RTEL1: variants seen among roughly 807,000 people sequenced by gnomAD.
RTEL1 encodes the protein regulator of telomere length.
Under a neutral mutation model 162.2 loss-of-function variants are expected in RTEL1, and 86 were observed. The observed-to-expected ratio is 0.53, with a 90% CI of 0.45 to 0.63. The LOEUF is 0.63. Among genes scored for constraint, RTEL1 ranks in the 30% least tolerant of loss-of-function variants. The pLI, the probability that RTEL1 is intolerant of heterozygous loss-of-function variation, is 0.00. For synonymous variants in RTEL1, 958 were observed against 717.9 expected (o/e 1.33, Z -5.35); for missense variants, 1,941 against 1,750.2 (o/e 1.11, Z -1.95).
chr20:63,684,589 G>A (rs1437583119), intron 14 of RTEL1, among the ~76,000 whole-genome samples: 2 of 152,106 alleles, frequency 1.3e-5, no homozygotes, highest in Admixed American at 6.6e-5. Context: ...TCCTGACCTC[G>A]TGATCCGCCT....
chr20:63,694,138 A>T (rs1348167429), intron 30 of RTEL1, among the ~76,000 whole-genome samples: 2 of 151,978 alleles, frequency 1.3e-5, no homozygotes, highest in African/African-American at 2.4e-5. Context: ...CACCCAGCCT[A>T]CGGCTCTGAG....
chr20:63,694,411 C>G lies in RTEL1; in HGVS notation c.3032C>G (p.Ala1011Gly), dbSNP rs766826026. ...GATCCCAAGCTGACCGTGTCCACGG[C>G]TGCAGCCCAGCAGCTGGACCCCCAA... is the stretch of plus-strand genomic sequence containing the variant. ...APDPKLTVST[A>G]AAQQLDPQEH... Residue 1011 changes from alanine to glycine, a missense_variant, in exon 31 of 35, where the codon GCT (alanine) becomes GGT (glycine). By Grantham distance (60) the Ala-to-Gly change is moderately conservative (BLOSUM62 0). Coordinates refer to ENST00000360203, the MANE Select transcript of RTEL1 (RefSeq NM_001283009.2). The G allele has an allele frequency of 6.2e-7, 1 of 1,612,466 alleles. No homozygotes were observed. The highest frequency in any genetic ancestry group is 8.5e-7 in the Non-Finnish European group (1 of 1,179,700).
intron 31 of RTEL1, 119 bp from the exon 32 acceptor site, chr20:63,694,622 G>C (rs147179836): frequency 4.1e-6 from 5 of 1,211,098 alleles, no homozygotes; most frequent in African/African-American, 3.0e-5. Context: ...TCCCGGTTCT[G>C]CACCCCGCAG....
intron 10 of RTEL1, among the ~76,000 whole-genome samples, chr20:63,677,094 G>A (rs755440395): frequency 1.9e-5 from 2 of 107,606 alleles, no homozygotes; most frequent in African/African-American, 3.9e-5. Context: ...CGGCGGTTGT[G>A]GCCTCTTTGC....
intron 16 of RTEL1, chr20:63,686,944 C>G (rs941619895): frequency 2.5e-5 from 4 of 156,908 alleles, no homozygotes; most frequent in African/African-American, 7.2e-5. Flanking sequence ...AGGAAATGAG[C>G]TCCTGGAGGA....
intron 30 of RTEL1, 45 bp from the exon 31 acceptor site, chr20:63,694,326 TC>T (rs1273598898): frequency 7.0e-7 from 1 of 1,435,896 alleles, no homozygotes; most frequent in African/African-American, 1.4e-5. Flanking sequence ...CAGGGAACTT[TC>T]CAGATGCTCT....
rs2145428063 is a variant in RTEL1 at position 63,689,630 on chromosome 20, G to A, written c.2007G>A (p.Gln669=). Residue 669 remains glutamine (Q), a synonymous_variant, in exon 23 of 35, where the codon CAG becomes CAA. Coordinates refer to ENST00000360203, the MANE Select transcript of RTEL1 (RefSeq NM_001283009.2). ...AGTTCCTGGATGAGATGAAGGGCCA[G>A]GGTGGGGCTGGGGGCCAGGTGAGTT... ...KMQFLDEMKG[Q]GGAGGQFLSG... is the part of the protein sequence containing the mutation. 6.2e-7 allele frequency: 1 copy of A among 1,609,180 alleles called. No homozygotes were observed. The highest frequency in any genetic ancestry group is 1.1e-5 in the South Asian group (1 of 90,892).
At position 63,692,828 on chromosome 20, in the gene RTEL1, G is replaced by C; in HGVS notation, c.2676G>C (p.Gln892His). 2 of 1,612,316 alleles carry C rather than the reference G, an allele frequency of 1.2e-6. No individual in the cohort carries two copies. The highest frequency in any genetic ancestry group is 1.7e-6 in the Non-Finnish European group (2 of 1,179,662). The change falls in exon 29 of 35, where the codon CAG (glutamine) becomes CAC (histidine). Residue 892 changes from glutamine to histidine, a missense_variant. Physicochemically the swap from Gln to His is conservative, Grantham distance 24 (BLOSUM62 0). Transcript: ENST00000360203. Reference sequence around the variant, plus strand: ...AGGAGGAGCCCGTGGCTGGTGCACAGACGGACAGGGCCAAGCTCTTCATGG... The same window carrying C: ...AGGAGGAGCCCGTGGCTGGTGCACACACGGACAGGGCCAAGCTCTTCATGG... ...SHPEEPVAGA[Q>H]TDRAKLFMVA... is the part of the protein sequence containing the mutation.
In RTEL1 at chr20:63,693,287, A is replaced by G; in HGVS notation, c.2992+4A>G. On this transcript the variant is annotated splice_donor_region_variant and intron_variant, in intron 30 of 34. Transcript: ENST00000360203. Reference sequence around the variant, plus strand: ...CAGCCGGTCCTGGACCCCACTGGTAAATGGGGCCCCAGGTGGGACCCTCAG... The same window carrying G: ...CAGCCGGTCCTGGACCCCACTGGTAGATGGGGCCCCAGGTGGGACCCTCAG... 1 of 1,611,454 alleles carries G rather than the reference A, an allele frequency of 6.2e-7. No homozygotes were observed. The highest frequency in any genetic ancestry group is 8.5e-7 in the Non-Finnish European group (1 of 1,179,286).
chr20:63,694,259 G>T (rs75406933), intron 30 of RTEL1, 113 bp from the exon 31 acceptor site: 2 of 911,954 alleles, frequency 2.2e-6, no homozygotes, highest in Non-Finnish European at 3.6e-6. Context: ...GGGTTTTCCC[G>T]CCCTGGTCTG....
chr20:63,681,885 C>T (rs561357820), intron 14 of RTEL1: 2 of 985,356 alleles, frequency 2.0e-6, no homozygotes, highest in Admixed American at 1.2e-4. Context: ...AGGCCCAGAC[C>T]CCTCTGTCTG....
chr20:63,658,492 G>A (rs2089953458), intron 1 of RTEL1, 26 bp downstream of exon 1: 1 of 152,412 alleles, frequency 6.6e-6, no homozygotes, highest in Admixed American at 6.5e-5. Context: ...CCTACAAGTG[G>A]TTCTTTTACC....
chr20:63,692,669 CCAGT>C, intron 28 of RTEL1, 132 bp from the exon 29 acceptor site: 1 of 830,140 alleles, frequency 1.2e-6, no homozygotes. Context: ...ATCCAGCCAG[CCAGT>C]TTCTCAGGCA....
chr20:63,695,775 C>T lies in RTEL1; in HGVS notation c.3823-3C>T, dbSNP rs1242643276. 1.4e-5 allele frequency: 22 copies of T among 1,590,166 alleles called. No individual in the cohort carries two copies. Among genetic ancestry groups the T allele is most frequent in the Non-Finnish European group, 1.8e-5 (21 of 1,169,078 alleles). On this transcript the variant is annotated splice_polypyrimidine_tract_variant and splice_region_variant and intron_variant, in intron 34 of 34. Transcript: ENST00000360203. ...CGTGTGCAGTGGGCCGGTTGTCTCACAGGCCTCTAGGATGTGCCCAGCCTG... is the reference window on the plus strand; with the variant it reads ...CGTGTGCAGTGGGCCGGTTGTCTCATAGGCCTCTAGGATGTGCCCAGCCTG...
intron 14 of RTEL1, among the ~76,000 whole-genome samples, chr20:63,684,303 T>G (rs1400104398): frequency 6.6e-6 from 1 of 152,202 alleles, no homozygotes; most frequent in African/African-American, 2.4e-5. Flanking sequence ...TTCCTCATGT[T>G]TTTGTTCACT....
chr20:63,659,614 C>A, intron 2 of RTEL1, 110 bp downstream of exon 2: 1 of 794,804 alleles, frequency 1.3e-6, no homozygotes, highest in Non-Finnish European at 2.2e-6. Context: ...GGGCCAGAGG[C>A]AGCGTCTGTC....
chr20:63,659,041 A>G (rs773534837), intron 1 of RTEL1, among the ~76,000 whole-genome samples, 192 bp from the exon 2 acceptor site: 65 of 152,174 alleles, frequency 4.3e-4, no homozygotes, highest in Non-Finnish European at 5.7e-4. Context: ...CCAGAGAAGG[A>G]CGGAGTTGTG....
Position 63,690,324 on chromosome 20 carries a change from C to T in RTEL1, c.2296C>T (p.Pro766Ser). 1.9e-6 allele frequency: 3 copies of T among 1,610,212 alleles called. No homozygotes were observed. The highest frequency in any genetic ancestry group is 1.7e-6 in the Non-Finnish European group (2 of 1,178,398). The stretch of plus-strand genomic sequence containing the variant: ...AGCGCCGGCCCCCCGGGCTACAGCA[C>T]CCAGTGTGCGTGGAGAAGATGCTGT... The part of the protein sequence containing the change: ...MPAPAPRATA[P>S]SVRGEDAVSE... The change falls in exon 26 of 35, where the codon CCC becomes TCC. Residue 766 changes from proline (P) to serine (S), a missense_variant. Pro to Ser is a moderately conservative substitution (Grantham distance 74). Coordinates refer to ENST00000360203, the MANE Select transcript of RTEL1 (RefSeq NM_001283009.2).
chr20:63,680,790 A>T (rs1374551096), intron 14 of RTEL1, 71 bp downstream of exon 14: 1 of 1,593,468 alleles, frequency 6.3e-7, no homozygotes, highest in African/African-American at 1.3e-5. Context: ...CTGCTGTATT[A>T]GTTAACTGAT....
Sources: gnomAD v4.1 joint callset for allele counts (sites outside exome capture counted in the v4.1 genomes callset) on GRCh38, gnomAD v4.1.1 for gene constraint, MANE v1.5 for transcripts, NCBI Gene and HGNC (gene_info 2026-07-23, HGNC 2026-07-21) for gene names.